The following MOB1B variants were observed in gnomAD, a reference collection of about 807,000 sequenced individuals.
The protein encoded by MOB1B is MOB1 Mps One Binder homolog B.
MOB1B carries 19 observed loss-of-function variants against 24.4 expected under a neutral mutation model. The ratio of observed to expected loss-of-function variants is 0.78; its 90% CI spans 0.54 to 1.14. The LOEUF (loss-of-function observed/expected upper bound fraction) is 1.14, where lower values mean the gene tolerates loss of function less well. Ranked by LOEUF, MOB1B falls within the 50% of genes most tolerant of loss-of-function variation. The pLI is 0.00. For synonymous variants in MOB1B, 76 were observed against 82.1 expected (o/e 0.93, Z 0.40); for missense variants, 243 against 259.6 (o/e 0.94, Z 0.44).
chr4:70,902,791 C>G (rs558173983), intron 1 of MOB1B, among the ~76,000 whole-genome samples: 304 of 152,328 alleles, frequency 2.0e-3, no homozygotes, highest in African/African-American at 6.4e-3. Context: ...TTCTTCCCCC[C>G]CGGCACACCC....
chr4:70,944,685 A>G (rs1319874493), intron 1 of MOB1B, among the ~76,000 whole-genome samples: 1 of 152,176 alleles, frequency 6.6e-6, no homozygotes, highest in Non-Finnish European at 1.5e-5. Flanking sequence ...GCTTACAATC[A>G]TGGCAGAAGG....
intron 2 of MOB1B, among the ~76,000 whole-genome samples, chr4:70,961,684 A>C (rs955303550): frequency 3.3e-5 from 5 of 152,194 alleles, no homozygotes; most frequent in Non-Finnish European, 4.4e-5. Context: ...TACAACATTT[A>C]ACTGAAGTGT....
At chr4:70,938,303 C>G (rs1284316015) in intron 1 of MOB1B, among the ~76,000 whole-genome samples, 1 of 75,106 alleles carries the variant, frequency 1.3e-5, no homozygotes, top group Non-Finnish European at 2.3e-5. Context: ...ATGGTGTGGT[C>G]AGATTTGCCG....
At chr4:70,950,756 C>T (rs1278457535) in intron 1 of MOB1B, 1 of 1,533,930 alleles carries the variant, frequency 6.5e-7, no homozygotes, top group Admixed American at 2.0e-5. Flanking sequence ...TATCGAATAC[C>T]TGATCTGTAG....
intron 1 of MOB1B, among the ~76,000 whole-genome samples, chr4:70,947,181 T>C (rs1246275424): frequency 6.6e-6 from 1 of 152,222 alleles, no homozygotes. Flanking sequence ...AAATTGGGGA[T>C]GATATCACCA....
chr4:70,902,371 T>G lies in MOB1B; in HGVS notation c.-166T>G. The G allele has an allele frequency of 2.8e-6, 2 of 714,988 alleles. No individual in the cohort carries two copies. The highest frequency in any genetic ancestry group is 3.0e-5 in the South Asian group (2 of 66,712). 44.3% of individuals were successfully genotyped at this position (714,988 alleles called of 1,614,324 possible). A position where few individuals can be genotyped will look rare whatever the true frequency, so the allele number is the denominator to read the frequency against. ...CACTTCCGCCCCCTCCCCCTGCCAT[T>G]GGAACTAGCTGAGCCGAACTAGTTG... On this transcript the variant is annotated 5_prime_UTR_variant, in exon 1 of 6. The change creates a new upstream start codon in the 5' untranslated region. Coordinates refer to ENST00000309395, the MANE Select transcript of MOB1B (RefSeq NM_173468.4).
At chr4:70,925,019 G>A (rs1351863231) in intron 1 of MOB1B, among the ~76,000 whole-genome samples, 1 of 152,040 alleles carries the variant, frequency 6.6e-6, no homozygotes, top group African/African-American at 2.4e-5. Flanking sequence ...ATTTGCTTTA[G>A]TTGAGCTCTA....
intron 1 of MOB1B, among the ~76,000 whole-genome samples, chr4:70,920,573 G>A (rs546660419): frequency 6.5e-4 from 99 of 152,274 alleles, no homozygotes; most frequent in African/African-American, 2.3e-3. Flanking sequence ...GAGATAAACA[G>A]TGACTTTTAC....
intron 2 of MOB1B, among the ~76,000 whole-genome samples, chr4:70,965,470 A>T (rs1271090625): frequency 6.6e-6 from 1 of 151,202 alleles, no homozygotes; most frequent in African/African-American, 2.4e-5. Context: ...GGGATAAAAA[A>T]GTAAATACAT....
chr4:70,933,370 T>C (rs1025190596), intron 1 of MOB1B, among the ~76,000 whole-genome samples: 12 of 152,062 alleles, frequency 7.9e-5, no homozygotes, highest in Non-Finnish European at 1.8e-4. Flanking sequence ...AACAGAGCAG[T>C]TTACTAACAT....
chr4:70,951,708 G>C (rs557869007), intron 1 of MOB1B, among the ~76,000 whole-genome samples: 1 of 152,314 alleles, frequency 6.6e-6, no homozygotes, highest in Non-Finnish European at 1.5e-5. Context: ...GACCAGCTTG[G>C]ACAACAAAGT....
chr4:70,917,786 A>G (rs1028722129), intron 1 of MOB1B, among the ~76,000 whole-genome samples: 1 of 152,234 alleles, frequency 6.6e-6, no homozygotes, highest in Non-Finnish European at 1.5e-5. Context: ...TAAATGGCCC[A>G]TCAGGTCACC....
At chr4:70,949,701 A>G (rs1024261516) in intron 1 of MOB1B, among the ~76,000 whole-genome samples, 1 of 152,110 alleles carries the variant, frequency 6.6e-6, no homozygotes, top group African/African-American at 2.4e-5. Flanking sequence ...TAGCCAGGGC[A>G]ACAAAGTGAG....
intron 1 of MOB1B, chr4:70,958,555 ATTTAT>A (rs926253022): frequency 1.1e-5 from 4 of 365,856 alleles, no homozygotes; most frequent in African/African-American, 4.3e-5. Flanking sequence ...AAGGAAACAA[ATTTAT>A]TTTATTAGAA....
chr4:70,976,577 C>G (rs1739005400), intron 4 of MOB1B: 1 of 984,706 alleles, frequency 1.0e-6, no homozygotes, highest in Non-Finnish European at 1.2e-6. Flanking sequence ...TCTCAAAAAG[C>G]TAAGAATCTG....
intron 1 of MOB1B, among the ~76,000 whole-genome samples, chr4:70,904,170 A>T (rs1030413536): frequency 1.3e-5 from 2 of 150,930 alleles, no homozygotes; most frequent in South Asian, 2.1e-4. Context: ...TTTAATAGAG[A>T]TGGGGGTTTC....
chr4:70,909,172 C>A (rs1735880255), intron 1 of MOB1B, among the ~76,000 whole-genome samples: 1 of 151,936 alleles, frequency 6.6e-6, no homozygotes, highest in Non-Finnish European at 1.5e-5. Context: ...CTGTCTCTTT[C>A]TCTCTAGACT....
In MOB1B at chr4:70,982,371, G is replaced by T; in HGVS notation, c.*314G>T. The stretch of plus-strand genomic sequence containing the variant: ...GTGCTTGTTGATTGAACTGCCGATG[G>T]ATTGGTTTCTGTGTGGTATAAATTG... On this transcript the variant is annotated 3_prime_UTR_variant, in exon 6 of 6. Coordinates refer to ENST00000309395, the MANE Select transcript of MOB1B (RefSeq NM_173468.4). The T allele has an allele frequency of 4.8e-6, 1 of 208,576 alleles. No individual in the cohort carries two copies. Among genetic ancestry groups the T allele is most frequent in the Non-Finnish European group, 9.6e-6 (1 of 103,738 alleles). The allele number at this position is 208,576 out of a possible 1,614,324, so 12.9% of individuals were successfully genotyped here.
intron 1 of MOB1B, among the ~76,000 whole-genome samples, chr4:70,903,645 C>G (rs1257008603): frequency 6.6e-6 from 1 of 152,164 alleles, no homozygotes; most frequent in Non-Finnish European, 1.5e-5. Context: ...CTTAAGATTT[C>G]TCTTCTTTCC....
Sources: allele counts gnomAD v4.1 joint callset (sites outside exome capture counted in the v4.1 genomes callset), GRCh38; gene constraint gnomAD v4.1.1; transcripts MANE v1.5; gene names NCBI Gene and HGNC (gene_info 2026-07-23, HGNC 2026-07-21).